The following DMXL2 variants were observed in gnomAD, a reference collection of about 807,000 sequenced individuals.
The protein encoded by DMXL2 is Dmx like 2.
DMXL2 carries 103 observed loss-of-function variants against 331.1 expected under a neutral mutation model. The ratio of observed to expected loss-of-function variants is 0.31; its 90% CI spans 0.27 to 0.37. The LOEUF (loss-of-function observed/expected upper bound fraction) is 0.37, where lower values mean the gene tolerates loss of function less well. DMXL2 is among the 10% of genes least tolerant of loss of function. The pLI is 1.00. For missense variants in DMXL2, 3,171 were observed against 3,642.9 expected (o/e 0.87, Z 3.33); for synonymous variants, 1,281 against 1,252.1 (o/e 1.02, Z -0.49).
chr15:51,572,159 C>A (rs2050712946), intron 2 of DMXL2, among the ~76,000 whole-genome samples: 1 of 151,720 alleles, frequency 6.6e-6, no homozygotes. Flanking sequence ...ATAAACACCT[C>A]TACACACATA....
At chr15:51,547,748 T>G (rs1351396108) in intron 6 of DMXL2, among the ~76,000 whole-genome samples, 1 of 152,130 alleles carries the variant, frequency 6.6e-6, no homozygotes, top group Admixed American at 6.6e-5. Context: ...GAAAGATCCA[T>G]GCTATCTTTT....
intron 14 of DMXL2, among the ~76,000 whole-genome samples, chr15:51,515,597 A>G (rs2046990991): frequency 6.6e-6 from 1 of 152,212 alleles, no homozygotes; most frequent in Admixed American, 6.5e-5. Context: ...GTCTTCACAG[A>G]TATAGAAATC....
intron 6 of DMXL2, among the ~76,000 whole-genome samples, chr15:51,553,829 T>C (rs1030622068): frequency 5.3e-5 from 8 of 151,404 alleles, no homozygotes; most frequent in Non-Finnish European, 1.2e-4. Context: ...ACCTATAACA[T>C]ACAAAATGTG....
intron 41 of DMXL2, 118 bp from the exon 42 acceptor site, chr15:51,451,815 C>T: frequency 2.5e-6 from 2 of 813,700 alleles, no homozygotes; most frequent in Admixed American, 4.3e-5. Context: ...TTTTTGTTCA[C>T]TCACACCTAT....
At chr15:51,573,374 C>G (rs1406546301) in intron 2 of DMXL2, among the ~76,000 whole-genome samples, 1 of 152,172 alleles carries the variant, frequency 6.6e-6, no homozygotes, top group Non-Finnish European at 1.5e-5. Flanking sequence ...ATAAATCATT[C>G]TACTTTAAAG....
Position 51,546,263 on chromosome 15 carries a change from C to T in DMXL2, c.747-497G>A, listed in dbSNP as rs1170812358. On this transcript the variant is annotated intron_variant, in intron 7 of 43. Transcript: ENST00000560891. ...TCCATTAAGTTAAAATAAGCAAAAA[C>T]GGCATGGCATGGAGCAGCTAAAGTA... Among the ~76,000 whole-genome samples the T allele has an allele frequency of 4.0e-5, 6 of 151,896 alleles. 1 individual carries two copies. The highest frequency in any genetic ancestry group is 3.9e-4 in the Admixed American group (6 of 15,216).
intron 33 of DMXL2, 56 bp downstream of exon 33, chr15:51,463,322 GA>G (rs1410521561): frequency 1.8e-6 from 2 of 1,121,710 alleles, no homozygotes; most frequent in African/African-American, 3.2e-5. Flanking sequence ...GATTTCCTTA[GA>G]AATGTTAAAG....
chr15:51,568,704 T>A, intron 2 of DMXL2, 146 bp from the exon 3 acceptor site: 1 of 608,416 alleles, frequency 1.6e-6, no homozygotes. Flanking sequence ...CCTGGAAGTG[T>A]ACTGGAGTTA....
intron 2 of DMXL2, among the ~76,000 whole-genome samples, chr15:51,569,552 G>T (rs1447769183): frequency 6.6e-6 from 1 of 152,164 alleles, no homozygotes; most frequent in Non-Finnish European, 1.5e-5. Context: ...TCACAGTAGG[G>T]GCCTACAGAC....
chr15:51,616,958 A>AC (rs1308077239), intron 1 of DMXL2, among the ~76,000 whole-genome samples: 2 of 151,380 alleles, frequency 1.3e-5, no homozygotes, highest in African/African-American at 4.8e-5. Flanking sequence ...AAAAAAAAAA[A>AC]AACTGACAAG....
rs781167032 is a variant in DMXL2 at position 51,576,182 on chromosome 15, C to CAAAAA, written c.88-2_88-1insTTTTT. The CAAAAA allele has an allele frequency of 1.4e-6, 1 of 734,616 alleles. No homozygotes were observed. The highest frequency in any genetic ancestry group is 3.6e-5 in the South Asian group (1 of 28,088). The allele number at this position is 734,616 out of a possible 1,614,324, so 45.5% of individuals were successfully genotyped here. On this transcript the variant is annotated splice_acceptor_variant, in intron 1 of 43. Coordinates refer to ENST00000560891, the MANE Select transcript of DMXL2 (RefSeq NM_001378457.1). LOFTEE classifies it high-confidence loss of function. ...CAATATCACAGCCTGATCCATATGCCTAAAAAAAAAAAAAAAAAAAAGTTT... is the reference window on the plus strand; with the variant it reads ...CAATATCACAGCCTGATCCATATGCCAAAAATAAAAAAAAAAAAAAAAAAAAGTTT...
At chr15:51,585,626 C>T (rs989145557) in intron 1 of DMXL2, among the ~76,000 whole-genome samples, 5 of 152,154 alleles carry the variant, frequency 3.3e-5, no homozygotes, top group African/African-American at 1.2e-4. Flanking sequence ...TTAATTGCAA[C>T]TGCAAATTGT....
At chr15:51,601,678 G>A (rs1738674865) in intron 1 of DMXL2, among the ~76,000 whole-genome samples, 1 of 152,240 alleles carries the variant, frequency 6.6e-6, no homozygotes, top group South Asian at 2.1e-4. Flanking sequence ...GTCTTGAGCT[G>A]GTAGAAGTCT....
At position 51,500,012 on chromosome 15, in the gene DMXL2, G is replaced by T. The variant is rs1451417394; in HGVS notation, c.3212C>A (p.Pro1071Gln). 4 of 1,613,918 alleles carry T rather than the reference G, an allele frequency of 2.5e-6. No individual in the cohort carries two copies. The highest frequency in any genetic ancestry group is 3.4e-6 in the Non-Finnish European group (4 of 1,179,988). The change falls in exon 18 of 44, where the codon CCA (proline) becomes CAA (glutamine). Residue 1071 changes from proline to glutamine, a missense_variant. By Grantham distance (76) the Pro-to-Gln change is moderately conservative (BLOSUM62 -1). This residue lies in a region of DMXL2 where 1,674 missense variants were observed against 1,780.2 expected (regional missense o/e 0.94). Coordinates refer to ENST00000560891, the MANE Select transcript of DMXL2 (RefSeq NM_001378457.1). The stretch of plus-strand genomic sequence containing the variant: ...TGTGTATGAACAGCTAACAGCAACT[G>T]GTCTTCCCACAATGCTCACTGTACT... ...NSSTVSIVGR[P>Q]VAVSCSYTGR...
rs1316127707 is a variant in DMXL2, at chr15:51,622,682, G to C, written c.-137C>G. The C allele has an allele frequency of 2.8e-5, 39 of 1,414,936 alleles. No individual in the cohort carries two copies. The highest frequency in any genetic ancestry group is 3.3e-5 in the Non-Finnish European group (36 of 1,078,064). 87.6% of individuals were successfully genotyped at this position (1,414,936 alleles called of 1,614,324 possible). On this transcript the variant is annotated 5_prime_UTR_variant, in exon 1 of 44. Transcript: ENST00000560891. ...CGCGGAGGCTCTGGCTTAACTCCTCGCCCCCCTTTCGCCTTCCCTCCGCCT... is the reference window on the plus strand; with the variant it reads ...CGCGGAGGCTCTGGCTTAACTCCTCCCCCCCCTTTCGCCTTCCCTCCGCCT...
At chr15:51,455,310 G>T in intron 39 of DMXL2, 82 bp from the exon 40 acceptor site, 1 of 1,132,442 alleles carries the variant, frequency 8.8e-7, no homozygotes, top group South Asian at 1.3e-5. Flanking sequence ...ATTCACTAAG[G>T]CCCTACTAAA....
At chr15:51,603,200 T>C (rs564124910) in intron 1 of DMXL2, among the ~76,000 whole-genome samples, 1 of 151,842 alleles carries the variant, frequency 6.6e-6, no homozygotes, top group South Asian at 2.1e-4. Flanking sequence ...CAATATAACA[T>C]AAAAACTTCA....
chr15:51,537,560 T>C lies in DMXL2; in HGVS notation c.1545A>G (p.Val515=). 6.2e-7 allele frequency: 1 copy of C among 1,613,938 alleles called. No homozygotes were observed. ...CATGCCACACTAGAAAGGTACCATC[T>C]ACAGGGTGTATTGTAAAAAGCATAT... The part of the protein sequence containing the change: ...NPDMLFTIHP[V]DGTFLVWHVK... The change falls in exon 11 of 44, where the codon GTA becomes GTG. Residue 515 remains valine, a synonymous_variant. Coordinates refer to ENST00000560891, the MANE Select transcript of DMXL2 (RefSeq NM_001378457.1).
chr15:51,557,957 C>T lies in DMXL2; in HGVS notation c.567+5424G>A, dbSNP rs369099239. 1.4e-4 allele frequency among the ~76,000 whole-genome samples: 22 copies of T among 152,302 alleles called. No homozygotes were observed. In the East Asian group the frequency reaches 4.0e-3, roughly 28 times the overall value. On this transcript the variant is annotated intron_variant, in intron 6 of 43. Transcript: ENST00000560891. ...AGGCTCTTGGCCTGAGGTCCTCTGA[C>T]CCAAAGGTCCTGTGGATAGACTTCA...
Sources: allele counts gnomAD v4.1 joint callset (sites outside exome capture counted in the v4.1 genomes callset), GRCh38; gene constraint gnomAD v4.1.1; regional missense constraint gnomAD v4.1.1; transcripts MANE v1.5; gene names NCBI Gene and HGNC (gene_info 2026-07-23, HGNC 2026-07-21).